The following CGREF1 variants were observed in gnomAD, a reference collection of about 807,000 sequenced individuals.
The protein encoded by CGREF1 is cell growth regulator with EF hand domain protein 1.
A neutral mutation model predicts 17.4 loss-of-function variants in CGREF1; 16 were observed. That is an observed-to-expected ratio of 0.92 (90% CI 0.62 to 1.40). The LOEUF is 1.40. CGREF1 is among the 40% of genes most tolerant of loss of function. CGREF1 has a pLI of 0.00. For missense variants in CGREF1, 296 were observed against 376.4 expected (o/e 0.79, Z 1.77); for synonymous variants, 142 against 154.6 (o/e 0.92, Z 0.61).
downstream of CGREF1, chr2:27,100,533 T>C: frequency 4.6e-6 from 6 of 1,290,868 alleles, no homozygotes; most frequent in Non-Finnish European, 6.1e-6. Flanking sequence ...CAATATAGGG[T>C]GGGTAAGGCC....
Position 27,100,868 on chromosome 2 carries a change from A to C in CGREF1, c.*406T>G. ...GTGTCTGAACACCAGGTGAGGGGGA[A>C]CCGGTGAGGGTTTGGGGCCCAGGGA... On this transcript the variant is annotated 3_prime_UTR_variant, in exon 6 of 6. Transcript: ENST00000402394. 2 of 1,086,868 alleles carry C rather than the reference A, an allele frequency of 1.8e-6. No homozygotes were observed. The highest frequency in any genetic ancestry group is 1.1e-6 in the Non-Finnish European group (1 of 892,088). 67.3% of individuals were successfully genotyped at this position (1,086,868 alleles called of 1,614,324 possible).
At position 27,101,118 on chromosome 2, in the gene CGREF1, T is replaced by C. The variant is rs1670799377; in HGVS notation, c.*156A>G. 1.4e-6 allele frequency: 2 copies of C among 1,403,276 alleles called. No individual in the cohort carries two copies. 86.9% of individuals were successfully genotyped at this position (1,403,276 alleles called of 1,614,324 possible). Reference sequence around the variant, plus strand: ...CTTTATTGGTAATCTGCCCCTTAACTTAGGGTCTCCCTGAGCTGCACAGAA... The same window carrying C: ...CTTTATTGGTAATCTGCCCCTTAACCTAGGGTCTCCCTGAGCTGCACAGAA... On this transcript the variant is annotated 3_prime_UTR_variant, in exon 6 of 6. Transcript: ENST00000402394.
At chr2:27,107,306 G>C (rs1671159132) in intron 1 of CGREF1, among the ~76,000 whole-genome samples, 1 of 151,530 alleles carries the variant, frequency 6.6e-6, no homozygotes, top group African/African-American at 2.4e-5. Flanking sequence ...CCAGGCTGGA[G>C]TGCCGTGGTG....
chr2:27,099,997 C>T (rs1330608045), downstream of CGREF1: 2 of 770,964 alleles, frequency 2.6e-6, no homozygotes, highest in African/African-American at 1.9e-5. Context: ...CTGAACTGCT[C>T]TGGCTGGGCA....
intron 1 of CGREF1, among the ~76,000 whole-genome samples, chr2:27,109,387 G>A (rs78171732): frequency 4.9e-4 from 62 of 126,738 alleles, no homozygotes; most frequent in East Asian, 7.4e-4. Context: ...AAAAAAAAAA[G>A]GGTTTGAAAT....
rs1670781688 is a variant in CGREF1 at position 27,100,896 on chromosome 2, G to A, written c.*378C>T. ...GGTGAGGGTTTGGGGCCCAGGGATA[G>A]ACTGAGCTTTCCTCACTGGGTCCTC... On this transcript the variant is annotated 3_prime_UTR_variant, in exon 6 of 6. Transcript: ENST00000402394. 2 of 1,093,884 alleles carry A rather than the reference G, an allele frequency of 1.8e-6. No homozygotes were observed. The highest frequency in any genetic ancestry group is 4.8e-5 in the Admixed American group (1 of 21,048). 67.8% of individuals were successfully genotyped at this position (1,093,884 alleles called of 1,614,324 possible).
chr2:27,106,865 G>A (rs536538621), intron 1 of CGREF1, among the ~76,000 whole-genome samples: 18 of 152,100 alleles, frequency 1.2e-4, no homozygotes, highest in Admixed American at 2.6e-4. Context: ...TGATCCTCCC[G>A]CCTCAGCCTC....
Position 27,101,787 on chromosome 2 carries a change from C to T in CGREF1, c.444G>A (p.Arg148=), listed in dbSNP as rs1223729759. ...ELINFPGVAL[R]HVEPGEPLAP... is the part of the protein sequence containing the mutation. ...CAAGGGGCTCTCCGGGCTCCACGTG[C>T]CTGAGGGCTACTCCCGGGAAGTTGA... is the stretch of plus-strand genomic sequence containing the variant. The change falls in exon 6 of 6, where the codon AGG becomes AGA. Residue 148 remains arginine, a synonymous_variant. Coordinates refer to ENST00000402394, the MANE Select transcript of CGREF1 (RefSeq NM_006569.6). 5 of 1,614,112 alleles carry T rather than the reference C, an allele frequency of 3.1e-6. No homozygotes were observed. The highest frequency in any genetic ancestry group is 4.2e-6 in the Non-Finnish European group (5 of 1,180,044).
At chr2:27,116,233 A>AC (rs1379306794) in intron 1 of CGREF1, among the ~76,000 whole-genome samples, 38 of 151,378 alleles carry the variant, frequency 2.5e-4, no homozygotes, top group Non-Finnish European at 4.7e-4. Context: ...CAAAAAAAAA[A>AC]AAAAAAACAA....
chr2:27,116,512 G>GCTT (rs1407655491), intron 1 of CGREF1, among the ~76,000 whole-genome samples: 1 of 151,442 alleles, frequency 6.6e-6, no homozygotes, highest in Admixed American at 6.6e-5. Context: ...GGGTCACAGA[G>GCTT]CAAGACTGTC....
At chr2:27,111,741 G>A (rs967329109) in intron 1 of CGREF1, among the ~76,000 whole-genome samples, 1 of 149,836 alleles carries the variant, frequency 6.7e-6, no homozygotes, top group Non-Finnish European at 1.5e-5. Flanking sequence ...CGGGGCCGGC[G>A]GGGCCGGCCG....
chr2:27,110,615 G>C (rs1467216574), intron 1 of CGREF1: 1 of 152,126 alleles, frequency 6.6e-6, no homozygotes, highest in Non-Finnish European at 1.5e-5. Flanking sequence ...TAGTAAAACA[G>C]ACAAACCTTT....
chr2:27,104,919 C>T (rs1279142928), intron 1 of CGREF1, among the ~76,000 whole-genome samples: 2 of 152,202 alleles, frequency 1.3e-5, no homozygotes, highest in Non-Finnish European at 2.9e-5. Context: ...AACTCAAGTA[C>T]AAACTGCAAA....
At chr2:27,114,373 C>A (rs1671501249) in intron 1 of CGREF1, among the ~76,000 whole-genome samples, 1 of 152,148 alleles carries the variant, frequency 6.6e-6, no homozygotes, top group Non-Finnish European at 1.5e-5. Context: ...AAAGGGGAAG[C>A]ACCCCTCAGA....
downstream of CGREF1, chr2:27,100,349 C>A: frequency 9.3e-7 from 1 of 1,075,246 alleles, no homozygotes; most frequent in Non-Finnish European, 1.3e-6. Context: ...ATGGGGTCTT[C>A]ATTGTCCAGA....
chr2:27,112,984 T>G (rs989966916), intron 1 of CGREF1, among the ~76,000 whole-genome samples: 1 of 152,168 alleles, frequency 6.6e-6, no homozygotes, highest in Non-Finnish European at 1.5e-5. Flanking sequence ...CTATGGGTAC[T>G]GAATGGGGTC....
downstream of CGREF1, chr2:27,099,996 T>C: frequency 1.3e-6 from 1 of 776,766 alleles, no homozygotes; most frequent in Non-Finnish European, 2.1e-6. Context: ...TCTGAACTGC[T>C]CTGGCTGGGC....
In CGREF1 at chr2:27,104,580, G is replaced by A. The variant is rs57316621; in HGVS notation, c.-11-203C>T. Reference sequence around the variant, plus strand: ...CAAAATAAATGTCACTCCAGCTCTTGTATATAAAGCACATAAAGGCAGGCC... The same window carrying A: ...CAAAATAAATGTCACTCCAGCTCTTATATATAAAGCACATAAAGGCAGGCC... On this transcript the variant is annotated intron_variant, in intron 1 of 5. Coordinates refer to ENST00000402394, the MANE Select transcript of CGREF1 (RefSeq NM_006569.6). The A allele has an allele frequency of 2.7e-4, 419 of 1,550,638 alleles. No homozygotes were observed. In the African/African-American group the frequency reaches 5.2e-3, roughly 19 times the overall value.
Position 27,101,792 on chromosome 2 carries a change from G to C in CGREF1, c.439C>G (p.Leu147Val), listed in dbSNP as rs1265491413. The C allele has an allele frequency of 1.2e-6, 2 of 1,614,214 alleles. No individual in the cohort carries two copies. Among genetic ancestry groups the C allele is most frequent in the Non-Finnish European group, 1.7e-6 (2 of 1,180,030 alleles). Reference sequence around the variant, plus strand: ...GGCTCTCCGGGCTCCACGTGCCTGAGGGCTACTCCCGGGAAGTTGATGAGC... The same window carrying C: ...GGCTCTCCGGGCTCCACGTGCCTGACGGCTACTCCCGGGAAGTTGATGAGC... ...AELINFPGVA[L>V]RHVEPGEPLA... is the part of the protein sequence containing the mutation. The change falls in exon 6 of 6, where the codon CTC (leucine) becomes GTC (valine). Residue 147 changes from leucine to valine, a missense_variant. Physicochemically the swap from Leu to Val is conservative, Grantham distance 32 (BLOSUM62 1). Transcript: ENST00000402394.
Sources: gnomAD v4.1 joint callset for allele counts (sites outside exome capture counted in the v4.1 genomes callset) on GRCh38, gnomAD v4.1.1 for gene constraint, MANE v1.5 for transcripts, NCBI Gene and HGNC (gene_info 2026-07-23, HGNC 2026-07-21) for gene names.